The following ZFPM1 variants were observed in gnomAD, a reference collection of about 807,000 sequenced individuals.
ZFPM1 encodes the protein zinc finger protein ZFPM1.
A neutral mutation model predicts 46.3 loss-of-function variants in ZFPM1; 28 were observed. The ratio of observed to expected loss-of-function variants is 0.60; its 90% CI spans 0.45 to 0.83. The LOEUF (loss-of-function observed/expected upper bound fraction) is 0.83, where lower values mean the gene tolerates loss of function less well. ZFPM1 is among the 40% of genes least tolerant of loss of function. The pLI, the probability that ZFPM1 is intolerant of heterozygous loss-of-function variation, is 0.00. For synonymous variants in ZFPM1, 957 were observed against 675.9 expected (o/e 1.42, Z -6.45); for missense variants, 1,878 against 1,432.4 (o/e 1.31, Z -5.02).
At chr16:88,462,983 G>C (rs890335494) in intron 1 of ZFPM1, among the ~76,000 whole-genome samples, 3 of 152,184 alleles carry the variant, frequency 2.0e-5, no homozygotes, top group African/African-American at 7.2e-5. Flanking sequence ...CCCCTCCCCA[G>C]GTTGCTGACG....
At chr16:88,495,231 C>T (rs919658712) in intron 3 of ZFPM1, among the ~76,000 whole-genome samples, 4 of 152,216 alleles carry the variant, frequency 2.6e-5, no homozygotes, top group Admixed American at 6.5e-5. Context: ...CCTGTGTGGT[C>T]GTCTGCCCAG....
rs761974156 is a variant in ZFPM1, at chr16:88,534,463, C to G, written c.2505C>G (p.His835Gln). The stretch of plus-strand genomic sequence containing the variant: ...ACAGCCTCGAGGCCTACCTGGCGCA[C>G]AAGAAGTACTCGTGCCCCGCTGCGC... ...SFHSLEAYLA[H>Q]KKYSCPAAPP... The change falls in exon 10 of 10, where the codon CAC becomes CAG. Residue 835 changes from histidine to glutamine, a missense_variant. Coordinates refer to ENST00000319555, the MANE Select transcript of ZFPM1 (RefSeq NM_153813.3). 1 of 1,494,876 alleles carries G rather than the reference C, an allele frequency of 6.7e-7. No homozygotes were observed. The highest frequency in any genetic ancestry group is 2.1e-5 in the Admixed American group (1 of 47,138). 92.6% of individuals were successfully genotyped at this position (1,494,876 alleles called of 1,614,324 possible).
intron 6 of ZFPM1, among the ~76,000 whole-genome samples, chr16:88,531,322 A>G (rs1243665728): frequency 1.3e-5 from 2 of 152,126 alleles, no homozygotes; most frequent in African/African-American, 4.8e-5. Flanking sequence ...TGCTGGCAAA[A>G]CCACCGTAAG....
chr16:88,478,522 C>T lies in ZFPM1; in HGVS notation c.41-7417C>T, dbSNP rs1339157797. 3.9e-5 allele frequency among the ~76,000 whole-genome samples: 6 copies of T among 152,398 alleles called. No individual in the cohort carries two copies. The South Asian group carries it at 1.0e-3, about 26-fold the overall frequency. ...GCATCCCTGTAAGGGGTCGCTGTCA[C>T]GGTTGCCCGTCCTGCCTCCCGCAGG... On this transcript the variant is annotated intron_variant, in intron 1 of 9. Transcript: ENST00000319555.
intron 1 of ZFPM1, among the ~76,000 whole-genome samples, chr16:88,464,887 C>G (rs952671439): frequency 5.3e-5 from 8 of 152,238 alleles, no homozygotes; most frequent in African/African-American, 1.9e-4. Flanking sequence ...CACCCATTAA[C>G]ATTCCCCACC....
Position 88,532,619 on chromosome 16 carries a change from C to T in ZFPM1, c.952C>T (p.Arg318Trp). The change falls in exon 8 of 10, where the codon CGG becomes TGG. Residue 318 changes from arginine to tryptophan, a missense_variant. Physicochemically the swap from Arg to Trp is moderately radical, Grantham distance 101. Coordinates refer to ENST00000319555, the MANE Select transcript of ZFPM1 (RefSeq NM_153813.3). ...EIHMRSHSGE[R>W]PFVCLICLSA... is the part of the protein sequence containing the mutation. ...TTACGCGCCCTGTGTTCCAGGAGAG[C>T]GGCCCTTCGTGTGCCTGATCTGCCT... 1.3e-6 allele frequency: 2 copies of T among 1,565,842 alleles called. No individual in the cohort carries two copies. Among genetic ancestry groups the T allele is most frequent in the Non-Finnish European group, 1.7e-6 (2 of 1,154,998 alleles).
In ZFPM1 at chr16:88,531,983, C is replaced by T; in HGVS notation, c.713-19C>T. The T allele has an allele frequency of 6.3e-7, 1 of 1,580,794 alleles. No homozygotes were observed. Among genetic ancestry groups the T allele is most frequent in the Non-Finnish European group, 8.6e-7 (1 of 1,159,376 alleles). ...CAGGCTGGCCTTCAGCCTGACCCCGCCTGCTTCCCACCCCACAGAAGACGT... is the reference window on the plus strand; with the variant it reads ...CAGGCTGGCCTTCAGCCTGACCCCGTCTGCTTCCCACCCCACAGAAGACGT... On this transcript the variant is annotated intron_variant, in intron 6 of 9. Transcript: ENST00000319555.
rs755384463 is a variant in ZFPM1 at position 88,532,932 on chromosome 16, C to A, written c.1186C>A (p.Pro396Thr). ...GAGHPATKLP[P>T]DSLGSFQQQH... is the part of the protein sequence containing the mutation. ...CGGACACCCAGCAACCAAGCTGCCC[C>A]CAGGTGAGCAGCCCTGTGGGGGCCA... The change falls in exon 9 of 10, where the codon CCA (proline) becomes ACA (threonine). Residue 396 changes from proline to threonine, a missense_variant. Transcript: ENST00000319555. 1.2e-6 allele frequency: 2 copies of A among 1,612,980 alleles called. No individual in the cohort carries two copies. The highest frequency in any genetic ancestry group is 2.2e-5 in the South Asian group (2 of 91,084).
At chr16:88,463,152 G>A (rs1048157128) in intron 1 of ZFPM1, among the ~76,000 whole-genome samples, 2 of 152,262 alleles carry the variant, frequency 1.3e-5, no homozygotes, top group African/African-American at 4.8e-5. Context: ...AGCGGAGGAG[G>A]CCCCAGGGCC....
intron 4 of ZFPM1, among the ~76,000 whole-genome samples, chr16:88,520,795 AGATG>A (rs1207366982): frequency 1.4e-4 from 7 of 49,810 alleles, no homozygotes; most frequent in African/African-American, 3.4e-4. Context: ...ATGGATGAAT[AGATG>A]GATGGGTGGG....
intron 1 of ZFPM1, among the ~76,000 whole-genome samples, chr16:88,461,814 G>A (rs950575112): frequency 5.3e-5 from 8 of 152,298 alleles, no homozygotes; most frequent in East Asian, 3.9e-4. Flanking sequence ...CTTCTTGCCC[G>A]GAGATCTGAC....
intron 3 of ZFPM1, among the ~76,000 whole-genome samples, chr16:88,496,359 G>A (rs551941127): frequency 9.9e-5 from 15 of 152,190 alleles, no homozygotes; most frequent in African/African-American, 3.6e-4. Flanking sequence ...AGGGCAGAGT[G>A]GGGCTGGGTT....
rs184360224 is a variant in ZFPM1 at position 88,487,568 on chromosome 16, G to A, written c.146-1463G>A. 6.8e-4 allele frequency among the ~76,000 whole-genome samples: 103 copies of A among 152,224 alleles called. 2 individuals are homozygous for A. In the East Asian group the frequency reaches 0.014, roughly 21 times the overall value. On this transcript the variant is annotated intron_variant, in intron 2 of 9. Coordinates refer to ENST00000319555, the MANE Select transcript of ZFPM1 (RefSeq NM_153813.3). ...AGAGGTTTCAGAGGGGTCTGCAGCC[G>A]AGGGGCTGGGGTGGAGATCCCAGGC...
At chr16:88,454,948 C>A (rs928929704) in intron 1 of ZFPM1, among the ~76,000 whole-genome samples, 6 of 152,184 alleles carry the variant, frequency 3.9e-5, no homozygotes, top group Admixed American at 6.5e-5. Context: ...TCTCCCGAGG[C>A]GGGGGTCACA....
chr16:88,507,808 C>T (rs1910742583), intron 3 of ZFPM1, among the ~76,000 whole-genome samples: 2 of 152,164 alleles, frequency 1.3e-5, no homozygotes, highest in Admixed American at 1.3e-4. Flanking sequence ...ACAAGGGACC[C>T]TTGTGAGGCC....
intron 3 of ZFPM1, among the ~76,000 whole-genome samples, chr16:88,512,794 C>T (rs1911046735): frequency 6.6e-6 from 1 of 152,152 alleles, no homozygotes; most frequent in African/African-American, 2.4e-5. Flanking sequence ...CCCGTGCCCA[C>T]CCCCGAGGCC....
intron 4 of ZFPM1, 24 bp from the exon 5 acceptor site, chr16:88,526,790 C>A: frequency 1.3e-6 from 2 of 1,498,842 alleles, no homozygotes; most frequent in South Asian, 1.2e-5. Context: ...CCCCTCCCCA[C>A]GTGTTCCTAC....
Position 88,532,153 on chromosome 16 carries a change from C to T in ZFPM1, c.864C>T (p.Asn288=), listed in dbSNP as rs749250734. The stretch of plus-strand genomic sequence containing the variant: ...AGAAGCCCAAAGAGACCTACCCCAA[C>T]GAGCGCGTCTGCCCCTTCCCCCAGT... ...TDEKPKETYP[N]ERVCPFPQCR... The change falls in exon 7 of 10, where the codon AAC becomes AAT. Residue 288 remains asparagine (N), a synonymous_variant. Transcript: ENST00000319555. The T allele has an allele frequency of 6.2e-6, 10 of 1,612,520 alleles. No individual in the cohort carries two copies. Among genetic ancestry groups the T allele is most frequent in the Non-Finnish European group, 8.5e-6 (10 of 1,179,806 alleles).
chr16:88,500,971 G>T (rs1384111402), intron 3 of ZFPM1, among the ~76,000 whole-genome samples: 1 of 152,094 alleles, frequency 6.6e-6, no homozygotes, highest in African/African-American at 2.4e-5. Flanking sequence ...ATATGTCAGG[G>T]TCTCTAAGGC....
Sources: gnomAD v4.1 joint callset for allele counts (sites outside exome capture counted in the v4.1 genomes callset) on GRCh38, gnomAD v4.1.1 for gene constraint, MANE v1.5 for transcripts, NCBI Gene and HGNC (gene_info 2026-07-23, HGNC 2026-07-21) for gene names.